Variants in IGSF5 observed in about 807,000 individuals in gnomAD.
IGSF5 encodes the protein immunoglobulin superfamily 5 like.
In IGSF5, 41 loss-of-function variants were observed where a neutral mutation model predicts 39.4. The ratio of observed to expected loss-of-function variants is 1.04; its 90% CI spans 0.81 to 1.35. The LOEUF is 1.35. IGSF5 is among the 40% of genes most tolerant of loss of function. The pLI, the probability that IGSF5 is intolerant of heterozygous loss-of-function variation, is 0.00. For synonymous variants in IGSF5, 183 were observed against 175.3 expected, an observed-to-expected ratio of 1.04 and a Z score of -0.34; for missense variants, 487 against 494.6, an observed-to-expected ratio of 0.98 and a Z score of 0.15.
the IGSF5 span, among the ~76,000 whole-genome samples, chr21:39,738,338 A>G: frequency 1.3e-5 from 2 of 152,136 alleles, no homozygotes; most frequent in Admixed American, 1.3e-4. This position sits in a 1 kb window ranked among gnomAD's most constrained non-coding sequence, Gnocchi z 6.4. Context: ...TGAGAACAGT[A>G]TGGGGGAAAC....
In IGSF5 at chr21:39,801,532, G is replaced by A. The variant is rs1016791005; in HGVS notation, c.*175G>A. ...GTGAGAGAAGGAATCGATTTTCCCA[G>A]AGTTCAAAGTAGAATGTGACTTTTA... On this transcript the variant is annotated 3_prime_UTR_variant, in exon 9 of 9. Transcript: ENST00000380588. The A allele has an allele frequency of 2.8e-5, 13 of 472,628 alleles. No individual in the cohort carries two copies. The highest frequency in any genetic ancestry group is 2.1e-4 in the Admixed American group (6 of 28,670). The allele number at this position is 472,628 out of a possible 1,614,324, so 29.3% of individuals were successfully genotyped here.
At chr21:39,727,519 G>A in the IGSF5 span, among the ~76,000 whole-genome samples, 1 of 152,202 alleles carries the variant, frequency 6.6e-6, no homozygotes, top group Non-Finnish European at 1.5e-5. Flanking sequence ...AGGCAACCAA[G>A]AGCTCAGACC....
intron 5 of IGSF5, among the ~76,000 whole-genome samples, chr21:39,785,536 G>A (rs1038026992): frequency 8.5e-5 from 13 of 152,286 alleles, no homozygotes; most frequent in African/African-American, 3.1e-4. Flanking sequence ...ATTTGGCGAT[G>A]TGGGCTCTTT....
At chr21:39,755,666 G>A (rs1336995401) in intron 2 of IGSF5, among the ~76,000 whole-genome samples, 1 of 152,128 alleles carries the variant, frequency 6.6e-6, no homozygotes, top group Non-Finnish European at 1.5e-5. Flanking sequence ...GGAAGGCTGT[G>A]ATTTCATTTT....
the IGSF5 span, among the ~76,000 whole-genome samples, chr21:39,716,795 G>A: frequency 6.6e-6 from 1 of 152,216 alleles, no homozygotes; most frequent in Admixed American, 6.5e-5. Context: ...GGTGAACAGT[G>A]CTGCAATGAA....
chr21:39,764,191 T>A (rs928548874), intron 2 of IGSF5, among the ~76,000 whole-genome samples: 20 of 152,178 alleles, frequency 1.3e-4, no homozygotes, highest in African/African-American at 4.8e-4. Flanking sequence ...GGCGGCTTAC[T>A]CCTTCCCTTT....
At chr21:39,796,994 T>G (rs1409065731) in intron 8 of IGSF5, among the ~76,000 whole-genome samples, 1 of 152,230 alleles carries the variant, frequency 6.6e-6, no homozygotes, top group Non-Finnish European at 1.5e-5. Flanking sequence ...CTGCTCATGC[T>G]GCATCCTCCT....
At chr21:39,746,706 A>C (rs116797450) in intron 2 of IGSF5, among the ~76,000 whole-genome samples, 15,081 of 152,132 alleles carry the variant, frequency 0.099, 2,445 homozygotes, top group African/African-American at 0.34. Flanking sequence ...GGGACTCCTG[A>C]TGCTTGCGTG....
At chr21:39,759,179 G>C (rs1029375648) in intron 2 of IGSF5, among the ~76,000 whole-genome samples, 3 of 152,234 alleles carry the variant, frequency 2.0e-5, no homozygotes, top group Non-Finnish European at 4.4e-5. Flanking sequence ...GAATCAAATA[G>C]AATGGGCAGT....
At chr21:39,713,154 C>T in the IGSF5 span, among the ~76,000 whole-genome samples, 1 of 152,198 alleles carries the variant, frequency 6.6e-6, no homozygotes. Flanking sequence ...TCCCTGCCAC[C>T]GTGTGGTCAC....
the IGSF5 span, among the ~76,000 whole-genome samples, chr21:39,734,889 A>G: frequency 1.3e-5 from 2 of 151,742 alleles, no homozygotes; most frequent in Non-Finnish European, 2.9e-5. Flanking sequence ...TTTGAGATAT[A>G]GTCTTGCTCT....
chr21:39,757,969 G>A (rs1211940591), intron 2 of IGSF5, among the ~76,000 whole-genome samples: 6 of 152,316 alleles, frequency 3.9e-5, no homozygotes, highest in South Asian at 2.1e-4. Flanking sequence ...AGCTGCGGGG[G>A]GTGGAGGTGG....
chr21:39,720,062 A>G, the IGSF5 span, among the ~76,000 whole-genome samples: 1 of 152,360 alleles, frequency 6.6e-6, no homozygotes, highest in Non-Finnish European at 1.5e-5. Flanking sequence ...AGCAGTCCCC[A>G]ACCTTTTTGA....
At chr21:39,796,620 G>A (rs376121166) in intron 8 of IGSF5, among the ~76,000 whole-genome samples, 40 of 152,244 alleles carry the variant, frequency 2.6e-4, no homozygotes, top group African/African-American at 8.9e-4. Flanking sequence ...CATGTTTTGC[G>A]CACACAGGCC....
upstream of IGSF5, among the ~76,000 whole-genome samples, chr21:39,744,256 G>A (rs187998860): frequency 2.6e-5 from 4 of 152,312 alleles, no homozygotes; most frequent in East Asian, 7.7e-4. Flanking sequence ...GAGTCCTAGA[G>A]CTGGGCTGGG....
chr21:39,773,762 T>C (rs964591480), intron 4 of IGSF5, among the ~76,000 whole-genome samples: 8 of 152,290 alleles, frequency 5.3e-5, no homozygotes, highest in African/African-American at 1.9e-4. Flanking sequence ...TTAAATATGA[T>C]AAAGTATGGT....
chr21:39,732,947 G>C, the IGSF5 span, among the ~76,000 whole-genome samples: 2 of 151,978 alleles, frequency 1.3e-5, no homozygotes, highest in South Asian at 4.2e-4. Context: ...GATCACTTGA[G>C]CCTGGGAGGT....
intron 8 of IGSF5, among the ~76,000 whole-genome samples, chr21:39,800,623 T>C (rs371444811): frequency 6.6e-6 from 1 of 152,268 alleles, no homozygotes; most frequent in Non-Finnish European, 1.5e-5. Context: ...TAATTTATCA[T>C]GCCCAGTTAC....
the IGSF5 span, among the ~76,000 whole-genome samples, chr21:39,720,845 T>C: frequency 6.6e-6 from 1 of 152,220 alleles, no homozygotes; most frequent in African/African-American, 2.4e-5. Context: ...ATTCTCTGTA[T>C]GATCATATTA....
Sources: allele counts gnomAD v4.1 joint callset (sites outside exome capture counted in the v4.1 genomes callset), GRCh38; gene constraint gnomAD v4.1.1; non-coding constraint Gnocchi (gnomAD v3.1); transcripts MANE v1.5; gene names NCBI Gene and HGNC (gene_info 2026-07-23, HGNC 2026-07-21).